Variants in LPL observed in about 807,000 individuals in gnomAD.
The protein encoded by LPL is lipoprotein lipase.
Under a neutral mutation model 52.2 loss-of-function variants are expected in LPL, and 43 were observed. The ratio of observed to expected loss-of-function variants is 0.82; its 90% confidence interval spans 0.64 to 1.06. The LOEUF is 1.06. LPL is among the 50% of genes least tolerant of loss of function. LPL has a pLI of 0.00. For synonymous variants in LPL, 244 were observed against 215.6 expected (o/e 1.13, Z -1.15); for missense variants, 639 against 585.3 (o/e 1.09, Z -0.95).
rs2069983070 is a variant in LPL at position 19,956,089 on chromosome 8, C to T, written c.1018+6C>T. 1 of 1,613,952 alleles carries T rather than the reference C, an allele frequency of 6.2e-7. No individual in the cohort carries two copies. Among genetic ancestry groups the T allele is most frequent in the Non-Finnish European group, 8.5e-7 (1 of 1,180,020 alleles). Reference sequence around the variant, plus strand: ...TTCTCAGATGCCCTACAAAGGTAGGCTGGAGACTGTTGTAAATAAGGAAAC... The same window carrying T: ...TTCTCAGATGCCCTACAAAGGTAGGTTGGAGACTGTTGTAAATAAGGAAAC... On this transcript the variant is annotated splice_donor_region_variant and intron_variant, in intron 6 of 9. Coordinates refer to ENST00000650287, the MANE Select transcript of LPL (RefSeq NM_000237.3).
At chr8:19,956,137 C>T (rs2069983514) in intron 6 of LPL, 54 bp downstream of exon 6, 14 of 1,608,734 alleles carry the variant, frequency 8.7e-6, no homozygotes, top group African/African-American at 1.3e-5. Flanking sequence ...TTTCATCATG[C>T]TCACTGCATC....
At chr8:19,946,348 G>T (rs954952538) in intron 1 of LPL, among the ~76,000 whole-genome samples, 8 of 152,148 alleles carry the variant, frequency 5.3e-5, no homozygotes, top group African/African-American at 1.9e-4. Flanking sequence ...GCACGTGTGT[G>T]TGTATGTGTG....
At chr8:19,948,144 C>T (rs778941187) in intron 1 of LPL, 36 bp from the exon 2 acceptor site, 1 of 1,603,242 alleles carries the variant, frequency 6.2e-7, no homozygotes, top group South Asian at 1.1e-5. Context: ...TCAAGCAACC[C>T]TCCAGTTAAC....
intron 1 of LPL, among the ~76,000 whole-genome samples, chr8:19,940,355 G>T (rs754963971): frequency 6.6e-6 from 1 of 152,204 alleles, no homozygotes; most frequent in Non-Finnish European, 1.5e-5. Flanking sequence ...TCTGTCCTGG[G>T]GGCTGAGGTC....
chr8:19,953,536 A>G (rs1051044322), intron 4 of LPL, 115 bp downstream of exon 4: 19 of 739,772 alleles, frequency 2.6e-5, no homozygotes, highest in Middle Eastern at 2.5e-4. Flanking sequence ...TCCCGGAGAC[A>G]TGACCAGCAC....
At position 19,965,368 on chromosome 8, in the gene LPL, G is replaced by A. The variant is rs2128840447; in HGVS notation, c.*58G>A. The A allele has an allele frequency of 1.3e-6, 1 of 780,050 alleles. No homozygotes were observed. The highest frequency in any genetic ancestry group is 1.3e-5 in the South Asian group (1 of 74,422). 48.3% of individuals were successfully genotyped at this position (780,050 alleles called of 1,614,324 possible). A position where few individuals can be genotyped will look rare whatever the true frequency, so the allele number is the denominator to read the frequency against. ...TGTGAATTCTGTGAAGAATGAAGTG[G>A]AGGAAGTAACTTTTACAAAACATAC... On this transcript the variant is annotated 3_prime_UTR_variant, in exon 10 of 10. Transcript: ENST00000650287.
chr8:19,964,985 C>T (rs2070073193), intron 9 of LPL, among the ~76,000 whole-genome samples: 1 of 152,190 alleles, frequency 6.6e-6, no homozygotes, highest in Non-Finnish European at 1.5e-5. Context: ...AACCTCATAT[C>T]ACAAGAAATG....
At chr8:19,946,356 G>A (rs2128836549) in intron 1 of LPL, among the ~76,000 whole-genome samples, 1 of 152,222 alleles carries the variant, frequency 6.6e-6, no homozygotes, top group Non-Finnish European at 1.5e-5. Context: ...GTGTGTATGT[G>A]TGTGTGATCA....
At position 19,948,284 on chromosome 8, in the gene LPL, G is replaced by A; in HGVS notation, c.193G>A (p.Ala65Thr). The A allele has an allele frequency of 6.2e-7, 1 of 1,614,102 alleles. No individual in the cohort carries two copies. Among genetic ancestry groups the A allele is most frequent in the Non-Finnish European group, 8.5e-7 (1 of 1,180,026 alleles). The change falls in exon 2 of 10, where the codon GCT (alanine) becomes ACT (threonine). Residue 65 changes from alanine (A) to threonine (T), a missense_variant. Ala to Thr is a moderately conservative substitution (Grantham distance 58). Transcript: ENST00000650287. ...CATTCCCGGAGTAGCAGAGTCCGTGGCTACCTGTCATTTCAATCACAGCAG... is the reference window on the plus strand; with the variant it reads ...CATTCCCGGAGTAGCAGAGTCCGTGACTACCTGTCATTTCAATCACAGCAG... ...HLIPGVAESV[A>T]TCHFNHSSKT...
chr8:19,939,717 C>G lies in LPL; in HGVS notation c.88+189C>G, dbSNP rs1455618865. ...GGAGGGGCCGGGAGGGAATCTCCTC[C>G]CGATCGTGAAGCGGCGGCGCCCAGT... is the stretch of plus-strand genomic sequence containing the variant. On this transcript the variant is annotated intron_variant, in intron 1 of 9. Transcript: ENST00000650287. The surrounding 1 kb of genome is among the most constrained non-coding windows in gnomAD (Gnocchi z 4.0). 6.6e-6 allele frequency among the ~76,000 whole-genome samples: 1 copy of G among 152,202 alleles called. No homozygotes were observed. Among genetic ancestry groups the G allele is most frequent in the Non-Finnish European group, 1.5e-5 (1 of 68,036 alleles).
intron 6 of LPL, among the ~76,000 whole-genome samples, chr8:19,958,961 C>T (rs1294809458): frequency 6.6e-6 from 1 of 152,192 alleles, no homozygotes; most frequent in Non-Finnish European, 1.5e-5. Context: ...TTTGATCTCC[C>T]TAGCACCCCT....
At position 19,953,466 on chromosome 8, in the gene LPL, CTG is replaced by C. The variant is rs748341793; in HGVS notation, c.541+47_541+48del. 1.3e-5 allele frequency: 19 copies of C among 1,411,188 alleles called. No individual in the cohort carries two copies. The Admixed American group carries it at 2.0e-4, about 15-fold the overall frequency. 87.4% of individuals were successfully genotyped at this position (1,411,188 alleles called of 1,614,324 possible). On this transcript the variant is annotated intron_variant, in intron 4 of 9. Transcript: ENST00000650287. ...GGTCTTATCATAAGAGGTGAAAAGA[CTG>C]TCATTCTGAGAGAGAATCAGAACAA...
chr8:19,953,283 C>A (rs2069950699), intron 3 of LPL, 27 bp from the exon 4 acceptor site: 2 of 1,365,902 alleles, frequency 1.5e-6, no homozygotes, highest in Non-Finnish European at 2.1e-6. Flanking sequence ...GAACTGTAAG[C>A]ACCTTCATTT....
At chr8:19,957,170 C>T (rs1241495284) in intron 6 of LPL, among the ~76,000 whole-genome samples, 1 of 152,200 alleles carries the variant, frequency 6.6e-6, no homozygotes, top group African/African-American at 2.4e-5. Context: ...GTTTGTTTCA[C>T]ACTTGAATTT....
chr8:19,939,854 A>G lies in LPL; in HGVS notation c.88+326A>G, dbSNP rs993415510. On this transcript the variant is annotated intron_variant, in intron 1 of 9. Transcript: ENST00000650287. The surrounding 1 kb of genome is among the most constrained non-coding windows in gnomAD (Gnocchi z 4.0). Reference sequence around the variant, plus strand: ...GAGGTTCCGGGGTGTGGGGGCCGGGACGGCGGAGGCGGGGAGTAAGGGCCC... The same window carrying G: ...GAGGTTCCGGGGTGTGGGGGCCGGGGCGGCGGAGGCGGGGAGTAAGGGCCC... 2.0e-5 allele frequency among the ~76,000 whole-genome samples: 3 copies of G among 151,954 alleles called. No individual in the cohort carries two copies. The highest frequency in any genetic ancestry group is 4.4e-5 in the Non-Finnish European group (3 of 67,962).
intron 6 of LPL, among the ~76,000 whole-genome samples, chr8:19,958,664 G>A (rs2070008893): frequency 6.6e-6 from 1 of 152,136 alleles, no homozygotes; most frequent in African/African-American, 2.4e-5. Flanking sequence ...AGATTTTGGT[G>A]TGCCCATTAC....
intron 3 of LPL, among the ~76,000 whole-genome samples, 157 bp downstream of exon 3, chr8:19,952,105 G>A (rs1481654926): frequency 6.6e-6 from 1 of 152,118 alleles, no homozygotes; most frequent in Non-Finnish European, 1.5e-5. Context: ...ATATCCAAAA[G>A]CAACATTTTG....
chr8:19,942,526 T>C (rs1254665135), intron 1 of LPL, among the ~76,000 whole-genome samples: 1 of 152,208 alleles, frequency 6.6e-6, no homozygotes, highest in Non-Finnish European at 1.5e-5. Context: ...TTTGGGATCA[T>C]CTATCCATTA....
At chr8:19,954,422 T>A in intron 5 of LPL, 69 bp downstream of exon 5, 1 of 1,424,428 alleles carries the variant, frequency 7.0e-7, no homozygotes, top group Non-Finnish European at 9.9e-7. Context: ...AATGTCCTAC[T>A]CAGTAGCTTC....
Sources: allele counts gnomAD v4.1 joint callset (sites outside exome capture counted in the v4.1 genomes callset), GRCh38; gene constraint gnomAD v4.1.1; non-coding constraint Gnocchi (gnomAD v3.1); transcripts MANE v1.5; gene names NCBI Gene and HGNC (gene_info 2026-07-23, HGNC 2026-07-21).